Variants in H6PD observed in about 807,000 individuals in gnomAD.
H6PD encodes the protein hexose-6-phosphate dehydrogenase/glucose 1-dehydrogenase.
Under a neutral mutation model 61.2 loss-of-function variants are expected in H6PD, and 48 were observed. That is an observed-to-expected ratio of 0.78 (90% CI 0.62 to 1.00). H6PD has a LOEUF of 1.00. Ranked by LOEUF, H6PD falls within the 50% of genes least tolerant of loss-of-function variation. The pLI is 0.00. For missense variants in H6PD, 1,093 were observed against 1,065.0 expected, an observed-to-expected ratio of 1.03 and a Z score of -0.37; for synonymous variants, 480 against 457.9, an observed-to-expected ratio of 1.05 and a Z score of -0.62.
At chr1:9,236,324 G>C (rs1640848201) in intron 1 of H6PD, among the ~76,000 whole-genome samples, 1 of 152,080 alleles carries the variant, frequency 6.6e-6, no homozygotes, top group Non-Finnish European at 1.5e-5. Context: ...CAAGAAGCTA[G>C]CAAGAAGGAC....
intron 1 of H6PD, among the ~76,000 whole-genome samples, chr1:9,241,658 C>T (rs904152423): frequency 2.0e-5 from 3 of 152,226 alleles, no homozygotes; most frequent in Non-Finnish European, 4.4e-5. Context: ...CCTTGGCCTC[C>T]CAGAGTGCCG....
intron 1 of H6PD, among the ~76,000 whole-genome samples, chr1:9,238,846 G>A (rs1172626871): frequency 6.6e-6 from 1 of 152,054 alleles, no homozygotes; most frequent in Non-Finnish European, 1.5e-5. Flanking sequence ...GTTGGTAGTG[G>A]GGAACCTGAT....
chr1:9,265,289 G>A lies in H6PD; in HGVS notation c.*420G>A. 3 of 351,574 alleles carry A rather than the reference G, an allele frequency of 8.5e-6. No homozygotes were observed. The highest frequency in any genetic ancestry group is 2.3e-5 in the South Asian group (1 of 43,942). The allele number at this position is 351,574 out of a possible 1,614,324, so 21.8% of individuals were successfully genotyped here. On this transcript the variant is annotated 3_prime_UTR_variant, in exon 5 of 5. Coordinates refer to ENST00000377403, the MANE Select transcript of H6PD (RefSeq NM_004285.4). ...GGTGATCCTTGAACTGGCTCCCGGG[G>A]AACATTCAGAGCATGATTGGTAGAC...
chr1:9,248,176 G>GC (rs796516940), intron 3 of H6PD, among the ~76,000 whole-genome samples: 178 of 152,262 alleles, frequency 1.2e-3, no homozygotes, highest in African/African-American at 4.0e-3. Flanking sequence ...CGAGGCCACT[G>GC]CCCCCCCAGC....
intron 1 of H6PD, chr1:9,242,824 TC>T: frequency 1.0e-6 from 1 of 985,506 alleles, no homozygotes. Flanking sequence ...TCTCTGGGCT[TC>T]AGATTTCTTG....
intron 2 of H6PD, among the ~76,000 whole-genome samples, chr1:9,246,220 A>G (rs61785089): frequency 5.1e-4 from 77 of 152,318 alleles, no homozygotes; most frequent in Non-Finnish European, 8.4e-4. Context: ...CTGGGATTAC[A>G]GGCGTGAGCC....
intron 2 of H6PD, 75 bp from the exon 3 acceptor site, chr1:9,246,891 C>T: frequency 1.0e-6 from 1 of 1,002,208 alleles, no homozygotes; most frequent in Non-Finnish European, 1.6e-6. Flanking sequence ...AAGGTCAGAG[C>T]CCTTCCCGGG....
intron 1 of H6PD, chr1:9,242,966 T>C: frequency 1.0e-6 from 1 of 985,332 alleles, no homozygotes; most frequent in Non-Finnish European, 1.2e-6. Context: ...AATGGTCCTG[T>C]GGTCCGTGTG....
intron 1 of H6PD, among the ~76,000 whole-genome samples, chr1:9,241,591 G>A (rs2100313390): frequency 6.6e-6 from 1 of 152,186 alleles, no homozygotes. Context: ...TAGAGATGGG[G>A]GTCTCGCTGT....
chr1:9,240,161 C>T lies in H6PD; in HGVS notation c.-10-4764C>T, dbSNP rs115491676. ...TCAGAAGAAGGCCTTTTCCACCTCC[C>T]TACAGGATGCCCCCACAGCATTTTG... On this transcript the variant is annotated intron_variant, in intron 1 of 4. Coordinates refer to ENST00000377403, the MANE Select transcript of H6PD (RefSeq NM_004285.4). 1,405 of 414,126 alleles carry T rather than the reference C, an allele frequency of 3.4e-3. 16 individuals are homozygous for T. Among genetic ancestry groups the T allele is most frequent in the African/African-American group, 0.026 (1,263 of 48,972 alleles). 25.7% of individuals were successfully genotyped at this position (414,126 alleles called of 1,614,324 possible).
At position 9,263,695 on chromosome 1, in the gene H6PD, A is replaced by T; in HGVS notation, c.1202A>T (p.His401Leu). ...SQCLPRQLVF[H>L]IGHGDLGSPA... is the part of the protein sequence containing the mutation. ...TGCCTGCCCCGGCAGCTCGTCTTCC[A>T]CATCGGCCATGGCGACCTGGGCAGC... The change falls in exon 5 of 5, where the codon CAC becomes CTC. Residue 401 changes from histidine (H) to leucine (L), a missense_variant. Physicochemically the swap from His to Leu is moderately conservative, Grantham distance 99 (BLOSUM62 -3). Transcript: ENST00000377403. 4.3e-6 allele frequency: 7 copies of T among 1,614,036 alleles called. No individual in the cohort carries two copies. The highest frequency in any genetic ancestry group is 5.9e-6 in the Non-Finnish European group (7 of 1,180,008).
intron 1 of H6PD, among the ~76,000 whole-genome samples, chr1:9,235,979 GCTGT>G (rs1640839568): frequency 6.6e-6 from 1 of 152,114 alleles, no homozygotes; most frequent in African/African-American, 2.4e-5. Flanking sequence ...ATCATGAAAA[GCTGT>G]CTGAGTTTTT....
chr1:9,236,420 C>G (rs56119172), intron 1 of H6PD, among the ~76,000 whole-genome samples: 37,483 of 151,924 alleles, frequency 0.25, 4,747 homozygotes, highest in East Asian at 0.42. Flanking sequence ...CCAACACTTT[C>G]GGAGGCCAGG....
At chr1:9,251,218 T>G (rs1235250532) in intron 3 of H6PD, among the ~76,000 whole-genome samples, 1 of 152,062 alleles carries the variant, frequency 6.6e-6, no homozygotes, top group Non-Finnish European at 1.5e-5. Context: ...GCCCATGTGA[T>G]TAATGGGCTG....
rs771086344 is a variant in H6PD at position 9,245,061 on chromosome 1, T to C, written c.127T>C (p.Trp43Arg). The C allele has an allele frequency of 3.0e-5, 48 of 1,614,110 alleles. No individual in the cohort carries two copies. Among genetic ancestry groups the C allele is most frequent in the South Asian group, 1.8e-4 (16 of 91,092 alleles). ...TGGGGACCTGGCTAAGAAGTACTTA[T>C]GGCAGGGACTGTTCCAGCTGTACCT... is the stretch of plus-strand genomic sequence containing the variant. ...ATGDLAKKYL[W>R]QGLFQLYLDE... Residue 43 changes from tryptophan (W) to arginine (R), a missense_variant, in exon 2 of 5, where the codon TGG becomes CGG. Coordinates refer to ENST00000377403, the MANE Select transcript of H6PD (RefSeq NM_004285.4). The surrounding 1 kb of genome is among the most constrained non-coding windows in gnomAD (Gnocchi z 4.8).
Position 9,262,342 on chromosome 1 carries a change from C to T in H6PD, c.1015+14C>T. On this transcript the variant is annotated intron_variant, in intron 4 of 4. Transcript: ENST00000377403. Reference sequence around the variant, plus strand: ...CGACCTTCGCAGGTGGGCCCTGGGGCTGGGCATGGGGCACTGGGCTGCCCA... The same window carrying T: ...CGACCTTCGCAGGTGGGCCCTGGGGTTGGGCATGGGGCACTGGGCTGCCCA... 6.3e-7 allele frequency: 1 copy of T among 1,593,646 alleles called. No individual in the cohort carries two copies. Among genetic ancestry groups the T allele is most frequent in the Non-Finnish European group, 8.5e-7 (1 of 1,170,198 alleles).
chr1:9,268,380 A>G lies in H6PD; in HGVS notation c.*3511A>G, dbSNP rs370535133. The G allele has an allele frequency of 8.5e-5, 13 of 152,102 alleles. No individual in the cohort carries two copies. The highest frequency in any genetic ancestry group is 1.7e-4 in the African/African-American group (7 of 41,396). 9.4% of individuals were successfully genotyped at this position (152,102 alleles called of 1,614,324 possible). A position where few individuals can be genotyped will look rare whatever the true frequency, so the allele number is the denominator to read the frequency against. On this transcript the variant is annotated 3_prime_UTR_variant, in exon 5 of 5. Transcript: ENST00000377403. ...CCTGGTCTGGAAGCCCTTGGGTCCT[A>G]TGGTGGCGGCAGCTCCCACAGTCCA... is the stretch of plus-strand genomic sequence containing the variant.
chr1:9,235,451 G>A (rs550904909), intron 1 of H6PD, among the ~76,000 whole-genome samples: 1 of 152,196 alleles, frequency 6.6e-6, no homozygotes, highest in African/African-American at 2.4e-5. Context: ...AACCTTGAAT[G>A]CTTAGCCAGA....
At chr1:9,263,067 A>G (rs1638385665) in intron 4 of H6PD, among the ~76,000 whole-genome samples, 1 of 151,644 alleles carries the variant, frequency 6.6e-6, no homozygotes, top group Non-Finnish European at 1.5e-5. Context: ...CTCACCCCGC[A>G]CCTCTGACCC....
Sources: gnomAD v4.1 joint callset for allele counts (sites outside exome capture counted in the v4.1 genomes callset) on GRCh38, gnomAD v4.1.1 for gene constraint, Gnocchi (gnomAD v3.1) non-coding constraint, MANE v1.5 for transcripts, NCBI Gene and HGNC (gene_info 2026-07-23, HGNC 2026-07-21) for gene names.